The following PRMT5 variants were observed in gnomAD, a reference collection of about 807,000 sequenced individuals.
PRMT5 encodes protein arginine N-methyltransferase 5.
A neutral mutation model predicts 84.0 loss-of-function variants in PRMT5; 15 were observed. The ratio of observed to expected loss-of-function variants is 0.18; its 90% CI spans 0.12 to 0.28. The LOEUF (loss-of-function observed/expected upper bound fraction) is 0.28. Ranked by LOEUF, PRMT5 falls within the 10% of genes least tolerant of loss-of-function variation. PRMT5 has a pLI of 1.00. For missense variants in PRMT5, 486 were observed against 808.0 expected (o/e 0.60, Z 4.83); for synonymous variants, 276 against 292.4 (o/e 0.94, Z 0.57).
At position 22,926,559 on chromosome 14, in the gene PRMT5, TTCAG is replaced by T. The variant is rs1458384599; in HGVS notation, c.564-8_564-5del. 9.3e-6 allele frequency: 15 copies of T among 1,614,098 alleles called. No individual in the cohort carries two copies. Among genetic ancestry groups the T allele is most frequent in the Non-Finnish European group, 1.1e-5 (13 of 1,179,986 alleles). ...CAAAGTCCGGAAGTTGTGCCACCTGTTCAGTCAAATACAGAAAAGTACAGTAAAC... is the reference window on the plus strand; with the variant it reads ...CAAAGTCCGGAAGTTGTGCCACCTGTTCAAATACAGAAAAGTACAGTAAAC... On this transcript the variant is annotated splice_region_variant and splice_polypyrimidine_tract_variant and intron_variant, in intron 5 of 16. Transcript: ENST00000324366.
At position 22,923,951 on chromosome 14, in the gene PRMT5, C is replaced by G; in HGVS notation, c.1375+57G>C. The stretch of plus-strand genomic sequence containing the variant: ...TTTCCCCTAAACCCTGTACCCTCCT[C>G]CCAGGTTGCTGTCTCACCCATCATC... On this transcript the variant is annotated intron_variant, in intron 12 of 16. Transcript: ENST00000324366. This position sits in a 1 kb window ranked among gnomAD's most constrained non-coding sequence, Gnocchi z 5.2. 6.6e-7 allele frequency: 1 copy of G among 1,514,242 alleles called. No homozygotes were observed. Among genetic ancestry groups the G allele is most frequent in the East Asian group, 2.3e-5 (1 of 44,054 alleles). 93.8% of individuals were successfully genotyped at this position (1,514,242 alleles called of 1,614,324 possible).
Position 22,920,577 on chromosome 14 carries a change from A to G in PRMT5, c.*327T>C. 2 of 529,536 alleles carry G rather than the reference A, an allele frequency of 3.8e-6. No individual in the cohort carries two copies. The highest frequency in any genetic ancestry group is 7.5e-6 in the Non-Finnish European group (2 of 267,328). 32.8% of individuals were successfully genotyped at this position (529,536 alleles called of 1,614,324 possible). The stretch of plus-strand genomic sequence containing the variant: ...TTTGTATTTCCTCTTACACAAAACC[A>G]TCAAAACAAGAACAGAAAAAGGCTG... On this transcript the variant is annotated 3_prime_UTR_variant, in exon 17 of 17. Transcript: ENST00000324366.
Position 22,923,302 on chromosome 14 carries a change from T to G in PRMT5, c.1376-142A>C. On this transcript the variant is annotated intron_variant, in intron 12 of 16. Transcript: ENST00000324366. The surrounding 1 kb of genome is among the most constrained non-coding windows in gnomAD (Gnocchi z 5.2). ...CATGGAAGAAAGAGACAAATGCATGTTGTCACATTACTAAGCCAGCCTGCT... is the reference window on the plus strand; with the variant it reads ...CATGGAAGAAAGAGACAAATGCATGGTGTCACATTACTAAGCCAGCCTGCT... 1 of 596,170 alleles carries G rather than the reference T, an allele frequency of 1.7e-6. No individual in the cohort carries two copies. The highest frequency in any genetic ancestry group is 2.9e-6 in the Non-Finnish European group (1 of 341,546). The allele number at this position is 596,170 out of a possible 1,614,324, so 36.9% of individuals were successfully genotyped here. A position where few individuals can be genotyped will look rare whatever the true frequency, so the allele number is the denominator to read the frequency against.
chr14:22,924,380 C>G lies in PRMT5; in HGVS notation c.1089G>C (p.Val363=). Residue 363 remains valine (V), a synonymous_variant, in exon 11 of 17, where the codon GTG becomes GTC. Transcript: ENST00000324366. The surrounding 1 kb of genome is among the most constrained non-coding windows in gnomAD (Gnocchi z 6.5). The stretch of plus-strand genomic sequence containing the variant: ...CCAGGGGTCCCCGTCCTGCTCCCAG[C>G]ACCATCAGTACCCTAAGAAAGAAAG... The part of the protein sequence containing the change: ...EKDTNVQVLM[V]LGAGRGPLVN... 1 of 1,614,114 alleles carries G rather than the reference C, an allele frequency of 6.2e-7. No homozygotes were observed. Among genetic ancestry groups the G allele is most frequent in the Non-Finnish European group, 8.5e-7 (1 of 1,180,024 alleles).
At chr14:22,927,941 T>C (rs1339055545) in intron 3 of PRMT5, among the ~76,000 whole-genome samples, 185 bp downstream of exon 3, 1 of 151,896 alleles carries the variant, frequency 6.6e-6, no homozygotes, top group Non-Finnish European at 1.5e-5. Flanking sequence ...AATCCCGAGC[T>C]CCAGTGATCC....
chr14:22,929,105 GAGGCTCCTCCCCTCCAAAGAGTAAT>G, intron 1 of PRMT5, 122 bp downstream of exon 1: 1 of 1,597,698 alleles, frequency 6.3e-7, no homozygotes, highest in Non-Finnish European at 8.6e-7. Flanking sequence ...TACTGGGTCC[GAGGCTCCTCCCCTCCAAAGAGTAAT>G]AGTCTCTCCC....
rs867573689 is a variant in PRMT5, at chr14:22,923,639, G to C, written c.1375+369C>G. On this transcript the variant is annotated intron_variant, in intron 12 of 16. Transcript: ENST00000324366. This position sits in a 1 kb window ranked among gnomAD's most constrained non-coding sequence, Gnocchi z 5.2. Reference sequence around the variant, plus strand: ...AGTGATTCTCGCGCCTCAGCCTCCCGAGTAGCTGGGATTACAGGCGTGCAC... The same window carrying C: ...AGTGATTCTCGCGCCTCAGCCTCCCCAGTAGCTGGGATTACAGGCGTGCAC... Among the ~76,000 whole-genome samples, 3 of 151,746 alleles carry C rather than the reference G, an allele frequency of 2.0e-5. No homozygotes were observed. Among genetic ancestry groups the C allele is most frequent in the Non-Finnish European group, 4.4e-5 (3 of 67,934 alleles).
chr14:22,927,068 G>A (rs1376589464), intron 4 of PRMT5, among the ~76,000 whole-genome samples: 1 of 151,666 alleles, frequency 6.6e-6, no homozygotes, highest in Non-Finnish European at 1.5e-5. Flanking sequence ...TAGATGGAGA[G>A]GTGCGCAATA....
Position 22,924,943 on chromosome 14 carries a change from G to A in PRMT5, c.875C>T (p.Pro292Leu). ...QYLEYLSQNR[P>L]PPNAYELFAK... is the part of the protein sequence containing the mutation. ...AAAGAGTTCATAGGCATTAGGTGGA[G>A]GACGGTTCTGGCTTAAGTATTCCAG... is the stretch of plus-strand genomic sequence containing the variant. The change falls in exon 8 of 17, where the codon CCT (proline) becomes CTT (leucine). Residue 292 changes from proline to leucine, a missense_variant. By Grantham distance (98) the Pro-to-Leu change is moderately conservative (BLOSUM62 -3). Transcript: ENST00000324366. The surrounding 1 kb of genome is among the most constrained non-coding windows in gnomAD (Gnocchi z 6.5). The A allele has an allele frequency of 2.5e-6, 4 of 1,614,182 alleles. No homozygotes were observed. Among genetic ancestry groups the A allele is most frequent in the South Asian group, 1.1e-5 (1 of 91,082 alleles).
chr14:22,926,938 T>C (rs2044433481), intron 4 of PRMT5, 124 bp from the exon 5 acceptor site: 1 of 672,592 alleles, frequency 1.5e-6, no homozygotes, highest in African/African-American at 1.8e-5. Context: ...TCCCAATTTG[T>C]AATTTTGTAA....
At position 22,924,005 on chromosome 14, in the gene PRMT5, C is replaced by T; in HGVS notation, c.1375+3G>A. On this transcript the variant is annotated splice_donor_region_variant and intron_variant, in intron 12 of 16. Coordinates refer to ENST00000324366, the MANE Select transcript of PRMT5 (RefSeq NM_006109.5). This position sits in a 1 kb window ranked among gnomAD's most constrained non-coding sequence, Gnocchi z 6.5. Reference sequence around the variant, plus strand: ...CTCCACCTACACCCCAACCTGGGGGCACCTTTTAGGAAGTGCTGGGCTCCA... The same window carrying T: ...CTCCACCTACACCCCAACCTGGGGGTACCTTTTAGGAAGTGCTGGGCTCCA... 1 of 1,542,314 alleles carries T rather than the reference C, an allele frequency of 6.5e-7. No individual in the cohort carries two copies.
At chr14:22,927,928 C>A (rs1056755572) in intron 3 of PRMT5, among the ~76,000 whole-genome samples, 198 bp downstream of exon 3, 1 of 151,936 alleles carries the variant, frequency 6.6e-6, no homozygotes, top group African/African-American at 2.4e-5. Context: ...AGGCTGGTCT[C>A]GAAATCCCGA....
chr14:22,923,204 G>T lies in PRMT5; in HGVS notation c.1376-44C>A. On this transcript the variant is annotated intron_variant, in intron 12 of 16. Coordinates refer to ENST00000324366, the MANE Select transcript of PRMT5 (RefSeq NM_006109.5). The surrounding 1 kb of genome is among the most constrained non-coding windows in gnomAD (Gnocchi z 5.2). ...AAATTAGTTCCAGAGGGAGGGAAAT[G>T]GTATGTCTGTACTAACTGAAGGATC... The T allele has an allele frequency of 7.0e-7, 1 of 1,435,736 alleles. No individual in the cohort carries two copies. The highest frequency in any genetic ancestry group is 1.4e-5 in the African/African-American group (1 of 70,186). The allele number at this position is 1,435,736 out of a possible 1,614,324, so 88.9% of individuals were successfully genotyped here. A position where few individuals can be genotyped will look rare whatever the true frequency, so the allele number is the denominator to read the frequency against.
At position 22,920,696 on chromosome 14, in the gene PRMT5, C is replaced by T. The variant is rs2044253083; in HGVS notation, c.*208G>A. 2.6e-6 allele frequency: 2 copies of T among 761,124 alleles called. No homozygotes were observed. The highest frequency in any genetic ancestry group is 4.7e-6 in the Non-Finnish European group (2 of 427,518). The allele number at this position is 761,124 out of a possible 1,614,324, so 47.1% of individuals were successfully genotyped here. ...AAATCCAGCACTAATTCCTCACCCCCTGGCCTGAGGTCTTCATAGATTGGT... is the reference window on the plus strand; with the variant it reads ...AAATCCAGCACTAATTCCTCACCCCTTGGCCTGAGGTCTTCATAGATTGGT... On this transcript the variant is annotated 3_prime_UTR_variant, in exon 17 of 17. Transcript: ENST00000324366.
chr14:22,922,031 C>T (rs2044310768), intron 16 of PRMT5, 145 bp downstream of exon 16: 4 of 769,542 alleles, frequency 5.2e-6, no homozygotes, highest in Non-Finnish European at 8.9e-6. Context: ...CCAAATACTC[C>T]CAACACCTAC....
intron 16 of PRMT5, among the ~76,000 whole-genome samples, chr14:22,921,884 T>TAAAA (rs34529278): frequency 0.025 from 2,968 of 119,892 alleles, 46 homozygotes; most frequent in South Asian, 0.039. Context: ...TCCGTCTCTT[T>TAAAA]AAAAAAAAAA....
In PRMT5 at chr14:22,922,574, T is replaced by G; in HGVS notation, c.1580-15A>C. On this transcript the variant is annotated splice_polypyrimidine_tract_variant and intron_variant, in intron 14 of 16. Coordinates refer to ENST00000324366, the MANE Select transcript of PRMT5 (RefSeq NM_006109.5). ...AATCATAGGATCTGTCAGGAAATAA[T>G]TATGTGGGTGACAAGGGGCCAGAAG... is the stretch of plus-strand genomic sequence containing the variant. 1 of 1,599,778 alleles carries G rather than the reference T, an allele frequency of 6.3e-7. No individual in the cohort carries two copies. Among genetic ancestry groups the G allele is most frequent in the Non-Finnish European group, 8.6e-7 (1 of 1,167,132 alleles).
chr14:22,924,113 C>T lies in PRMT5; in HGVS notation c.1270G>A (p.Val424Met). 2.5e-6 allele frequency: 4 copies of T among 1,613,802 alleles called. No individual in the cohort carries two copies. The highest frequency in any genetic ancestry group is 3.4e-6 in the Non-Finnish European group (4 of 1,179,840). ...ATGATGTCTGCTTTCTCTGGAGCCACCCATTCCCTCATGTCTGATGAGACT... is the reference window on the plus strand; with the variant it reads ...ATGATGTCTGCTTTCTCTGGAGCCATCCATTCCCTCATGTCTGATGAGACT... ...TVVSSDMREW[V>M]APEKADIIVS... Residue 424 changes from valine (V) to methionine (M), a missense_variant, in exon 12 of 17, where the codon GTG becomes ATG. Val to Met is a conservative substitution (Grantham distance 21). Around this residue, in one of 4 missense-constraint regions of PRMT5, gnomAD observed 219 missense variants for 433.6 expected, o/e 0.51. Transcript: ENST00000324366. The surrounding 1 kb of genome is among the most constrained non-coding windows in gnomAD (Gnocchi z 6.5).
intron 14 of PRMT5, 49 bp downstream of exon 14, chr14:22,922,693 G>A: frequency 6.4e-7 from 1 of 1,573,902 alleles, no homozygotes; most frequent in Non-Finnish European, 8.7e-7. Flanking sequence ...CAGGAGGAAG[G>A]AAGAAGCCCG....
Sources: allele counts gnomAD v4.1 joint callset (sites outside exome capture counted in the v4.1 genomes callset), GRCh38; gene constraint gnomAD v4.1.1; regional missense constraint gnomAD v4.1.1; non-coding constraint Gnocchi (gnomAD v3.1); transcripts MANE v1.5; gene names NCBI Gene and HGNC (gene_info 2026-07-23, HGNC 2026-07-21).